SGCD: variants seen among roughly 807,000 people sequenced by gnomAD.
The protein encoded by SGCD is sarcoglycan delta.
Under a neutral mutation model 36.6 loss-of-function variants are expected in SGCD, and 18 were observed. The ratio of observed to expected loss-of-function variants is 0.49; its 90% CI spans 0.34 to 0.73. The LOEUF is 0.73. SGCD is among the 30% of genes least tolerant of loss of function. The pLI is 0.01. For missense variants in SGCD, 387 were observed against 346.7 expected, an observed-to-expected ratio of 1.12 and a Z score of -0.92; for synonymous variants, 133 against 130.6, an observed-to-expected ratio of 1.02 and a Z score of -0.12.
chr5:155,903,970 T>C (rs1323719356), intron 1 of SGCD, among the ~76,000 whole-genome samples: 1 of 152,180 alleles, frequency 6.6e-6, no homozygotes, highest in African/African-American at 2.4e-5. Flanking sequence ...AGCTGACTTC[T>C]GCTAGCCTGT....
At chr5:155,828,600 C>T in the SGCD span, among the ~76,000 whole-genome samples, 1 of 152,228 alleles carries the variant, frequency 6.6e-6, no homozygotes, top group East Asian at 1.9e-4. Flanking sequence ...CTTCTTCTTC[C>T]CAACTTCTGA....
At chr5:155,848,019 A>G in the SGCD span, among the ~76,000 whole-genome samples, 3 of 152,202 alleles carry the variant, frequency 2.0e-5, no homozygotes, top group African/African-American at 4.8e-5. Context: ...TTATATTTCT[A>G]GCATTTGTGT....
chr5:156,076,815 A>G (rs932683063), intron 1 of SGCD, among the ~76,000 whole-genome samples: 1 of 152,212 alleles, frequency 6.6e-6, no homozygotes, highest in East Asian at 1.9e-4. Context: ...GAGCTCCCAA[A>G]TGAACATTTG....
intron 3 of SGCD, among the ~76,000 whole-genome samples, chr5:156,506,538 TGTAGG>T (rs1756704478): frequency 6.6e-6 from 1 of 152,124 alleles, no homozygotes; most frequent in Non-Finnish European, 1.5e-5. Flanking sequence ...GGGGAAGGAC[TGTAGG>T]ATCACCCTGT....
chr5:156,553,244 C>T (rs1380153975), intron 4 of SGCD, among the ~76,000 whole-genome samples: 1 of 152,142 alleles, frequency 6.6e-6, no homozygotes. Flanking sequence ...CCAGTAGGCC[C>T]CACCTCCATC....
intron 7 of SGCD, among the ~76,000 whole-genome samples, chr5:156,654,657 G>A (rs951164342): frequency 2.6e-5 from 4 of 152,080 alleles, no homozygotes; most frequent in African/African-American, 9.7e-5. Flanking sequence ...TCCCTATGTG[G>A]CCTTGAGCTA....
intron 2 of SGCD, among the ~76,000 whole-genome samples, chr5:156,332,253 G>T (rs906822272): frequency 4.6e-5 from 7 of 152,276 alleles, no homozygotes; most frequent in Non-Finnish European, 1.0e-4. Flanking sequence ...GTACATTTTG[G>T]TTCACAAAGT....
the SGCD span, among the ~76,000 whole-genome samples, chr5:155,839,174 T>C: frequency 6.6e-6 from 1 of 152,224 alleles, no homozygotes; most frequent in Non-Finnish European, 1.5e-5. Flanking sequence ...GAATCAATTA[T>C]GCATACATTT....
chr5:156,440,779 A>G (rs1180807707), intron 3 of SGCD, among the ~76,000 whole-genome samples: 1 of 152,108 alleles, frequency 6.6e-6, no homozygotes, highest in Non-Finnish European at 1.5e-5. Context: ...ACATCTATTC[A>G]AATCCTTTTC....
At chr5:155,970,246 G>A (rs1757982480) in intron 1 of SGCD, among the ~76,000 whole-genome samples, 1 of 152,050 alleles carries the variant, frequency 6.6e-6, no homozygotes, top group Non-Finnish European at 1.5e-5. Flanking sequence ...CTCTTGCTCT[G>A]TCCAGATGAC....
chr5:156,182,326 T>C (rs1763629086), intron 3 of SGCD, among the ~76,000 whole-genome samples: 1 of 152,218 alleles, frequency 6.6e-6, no homozygotes, highest in Non-Finnish European at 1.5e-5. Flanking sequence ...GCATGGTGAC[T>C]CATGTCTGTA....
At chr5:156,428,386 C>T (rs1773768732) in intron 3 of SGCD, among the ~76,000 whole-genome samples, 1 of 152,026 alleles carries the variant, frequency 6.6e-6, no homozygotes, top group African/African-American at 2.4e-5. Flanking sequence ...GGTGTAATAT[C>T]TCCCATTTCA....
chr5:156,013,255 C>T (rs1758898879), intron 1 of SGCD, among the ~76,000 whole-genome samples: 1 of 151,786 alleles, frequency 6.6e-6, no homozygotes, highest in Non-Finnish European at 1.5e-5. Flanking sequence ...GAACTCCTGA[C>T]CTCAAGTGAT....
intron 1 of SGCD, among the ~76,000 whole-genome samples, chr5:156,091,598 C>T (rs1761245992): frequency 6.6e-6 from 1 of 152,216 alleles, no homozygotes; most frequent in African/African-American, 2.4e-5. Context: ...GTCCAGCCTC[C>T]TGGAATAGAC....
intron 1 of SGCD, among the ~76,000 whole-genome samples, chr5:155,904,810 G>C (rs1432813): frequency 0.46 from 70,543 of 152,008 alleles, 19,205 homozygotes; most frequent in Non-Finnish European, 0.62. Context: ...TTTGTTTGTT[G>C]AACACTATCC....
chr5:155,854,249 T>C, the SGCD span, among the ~76,000 whole-genome samples: 3 of 152,066 alleles, frequency 2.0e-5, 1 homozygote, highest in South Asian at 4.1e-4. Flanking sequence ...CAGAAGCACC[T>C]TTTTTTCCAC....
the SGCD span, among the ~76,000 whole-genome samples, chr5:155,772,506 C>T: frequency 1.3e-5 from 2 of 152,116 alleles, no homozygotes; most frequent in African/African-American, 2.4e-5. Flanking sequence ...AGAGGTCTGT[C>T]CAGATCTAGA....
chr5:156,728,412 G>A (rs1755882430), intron 7 of SGCD, among the ~76,000 whole-genome samples: 1 of 150,294 alleles, frequency 6.7e-6, no homozygotes, highest in South Asian at 2.1e-4. Flanking sequence ...CTGAGAGGCT[G>A]AGGCAGGAGA....
At chr5:155,852,989 T>A in the SGCD span, among the ~76,000 whole-genome samples, 1 of 151,868 alleles carries the variant, frequency 6.6e-6, no homozygotes, top group African/African-American at 2.4e-5. Context: ...AATTCCTTCT[T>A]CTCTGACTTC....
Sources: gnomAD v4.1 joint callset for allele counts (sites outside exome capture counted in the v4.1 genomes callset) on GRCh38, gnomAD v4.1.1 for gene constraint, MANE v1.5 for transcripts, NCBI Gene and HGNC (gene_info 2026-07-23, HGNC 2026-07-21) for gene names.